The following DFFB variants were observed in gnomAD, a reference collection of about 807,000 sequenced individuals.
The protein encoded by DFFB is DNA fragmentation factor 40 kDa subunit.
DFFB carries 29 observed loss-of-function variants against 32.7 expected under a neutral mutation model. The ratio of observed to expected loss-of-function variants is 0.89; its 90% CI spans 0.66 to 1.21. DFFB has a LOEUF of 1.21. Among genes scored for constraint, DFFB ranks in the 50% most tolerant of loss-of-function variants. DFFB has a pLI of 0.00. For synonymous variants in DFFB, 170 were observed against 177.1 expected (o/e 0.96, Z 0.32); for missense variants, 398 against 440.6 (o/e 0.90, Z 0.87).
In DFFB at chr1:3,883,695, C is replaced by A; in HGVS notation, c.971C>A (p.Pro324His). ...TGTGACCCAAGCAGAATCTACAAACCCCAGACAAGGTTGAAGCGGAAGCAG... is the reference window on the plus strand; with the variant it reads ...TGTGACCCAAGCAGAATCTACAAACACCAGACAAGGTTGAAGCGGAAGCAG... The part of the protein sequence containing the change: ...LNCDPSRIYK[P>H]QTRLKRKQPV... The change falls in exon 7 of 7, where the codon CCC (proline) becomes CAC (histidine). Residue 324 changes from proline (P) to histidine (H), a missense_variant. Transcript: ENST00000378209. 6.2e-7 allele frequency: 1 copy of A among 1,614,122 alleles called. No homozygotes were observed. The highest frequency in any genetic ancestry group is 1.3e-5 in the African/African-American group (1 of 75,026).
intron 5 of DFFB, among the ~76,000 whole-genome samples, chr1:3,869,980 G>A (rs2124747555): frequency 6.6e-6 from 1 of 152,348 alleles, no homozygotes; most frequent in Non-Finnish European, 1.5e-5. Flanking sequence ...TCCCTGGGGA[G>A]CTTGCAGAGG....
chr1:3,883,512 A>G lies in DFFB; in HGVS notation c.788A>G (p.Glu263Gly). The G allele has an allele frequency of 6.2e-7, 1 of 1,613,962 alleles. No individual in the cohort carries two copies. The highest frequency in any genetic ancestry group is 8.5e-7 in the Non-Finnish European group (1 of 1,179,990). The change falls in exon 7 of 7, where the codon GAA becomes GGA. Residue 263 changes from glutamate to glycine, a missense_variant. By Grantham distance (98) the Glu-to-Gly change is moderately conservative. Transcript: ENST00000378209. ...FSTWNLDHIIEKKRTIIPTLV... is the reference protein window; with the variant it reads ...FSTWNLDHIIGKKRTIIPTLV... ...TCTCTAACCTTACTTTGCAGAATAG[A>G]AAAGAAACGCACCATCATTCCTACA...
Position 3,883,623 on chromosome 1 carries a change from A to G in DFFB, c.899A>G (p.Lys300Arg). Residue 300 changes from lysine (K) to arginine (R), a missense_variant, in exon 7 of 7, where the codon AAA becomes AGA. Transcript: ENST00000378209. ...YGLLFTSENLKLVHIVCHKKT... is the reference protein window; with the variant it reads ...YGLLFTSENLRLVHIVCHKKT... Reference sequence around the variant, plus strand: ...CTGCTTTTTACCTCAGAGAACCTAAAACTAGTGCACATTGTCTGCCATAAG... The same window carrying G: ...CTGCTTTTTACCTCAGAGAACCTAAGACTAGTGCACATTGTCTGCCATAAG... 6.2e-7 allele frequency: 1 copy of G among 1,614,058 alleles called. No homozygotes were observed. The highest frequency in any genetic ancestry group is 8.5e-7 in the Non-Finnish European group (1 of 1,180,006).
chr1:3,872,426 A>G (rs749201314), intron 5 of DFFB, 46 bp from the exon 6 acceptor site: 278 of 1,452,138 alleles, frequency 1.9e-4, no homozygotes, highest in Non-Finnish European at 2.6e-4. Context: ...AAAAAAAAAA[A>G]AGAGACTCAC....
chr1:3,857,591 G>A lies in DFFB; in HGVS notation c.-13G>A. The A allele has an allele frequency of 6.4e-7, 1 of 1,560,644 alleles. No homozygotes were observed. Among genetic ancestry groups the A allele is most frequent in the Non-Finnish European group, 8.7e-7 (1 of 1,153,450 alleles). On this transcript the variant is annotated 5_prime_UTR_variant, in exon 1 of 7. Coordinates refer to ENST00000378209, the MANE Select transcript of DFFB (RefSeq NM_004402.4). ...ACCGCCTGTGGGACCCAGAGGGCTT[G>A]AGGACATCTGCAATGCTCCAGAAGC...
intron 5 of DFFB, among the ~76,000 whole-genome samples, chr1:3,871,931 T>G (rs541525293): frequency 6.6e-6 from 1 of 152,100 alleles, no homozygotes; most frequent in Admixed American, 6.5e-5. Context: ...TTAAGCCAGA[T>G]CTCAGGAGGA....
rs1553169091 is a variant in DFFB at position 3,868,669 on chromosome 1, A to ACCAGG, written c.510+619_510+620insGGCCA. ...GCCACACCACACCAGGCCACACCAC[A>ACCAGG]CCACACCACGCCACACCACACCAGG... On this transcript the variant is annotated intron_variant, in intron 4 of 6. Coordinates refer to ENST00000378209, the MANE Select transcript of DFFB (RefSeq NM_004402.4). 1.5e-3 allele frequency among the ~76,000 whole-genome samples: 115 copies of ACCAGG among 76,560 alleles called. 12 individuals are homozygous for ACCAGG. Among genetic ancestry groups the ACCAGG allele is most frequent in the Non-Finnish European group, 2.5e-3 (79 of 31,254 alleles). The allele number at this position is 76,560 out of a possible 152,430, so 50.2% of individuals were successfully genotyped here. A position where few individuals can be genotyped will look rare whatever the true frequency, so the allele number is the denominator to read the frequency against.
chr1:3,859,473 G>A (rs912593464), intron 2 of DFFB, among the ~76,000 whole-genome samples: 6 of 152,214 alleles, frequency 3.9e-5, no homozygotes, highest in Admixed American at 1.3e-4. Flanking sequence ...ATGCCATCAT[G>A]TGCCTTTACC....
At chr1:3,868,815 T>C (rs1057242837) in intron 4 of DFFB, among the ~76,000 whole-genome samples, 2 of 152,108 alleles carry the variant, frequency 1.3e-5, no homozygotes, top group East Asian at 1.9e-4. Flanking sequence ...CCCTGCGTGG[T>C]CGGCCCCCAC....
chr1:3,866,019 T>C lies in DFFB; in HGVS notation c.430+19T>C, dbSNP rs764000947. On this transcript the variant is annotated intron_variant, in intron 3 of 6. Coordinates refer to ENST00000378209, the MANE Select transcript of DFFB (RefSeq NM_004402.4). ...TTTGAAGGTGCGTGGGGGCTGCAGCTGGCAGGGGAGAGGCTTCTTTGGAGC... is the reference window on the plus strand; with the variant it reads ...TTTGAAGGTGCGTGGGGGCTGCAGCCGGCAGGGGAGAGGCTTCTTTGGAGC... 3.3e-6 allele frequency: 5 copies of C among 1,526,120 alleles called. No homozygotes were observed. Among genetic ancestry groups the C allele is most frequent in the Non-Finnish European group, 3.5e-6 (4 of 1,137,228 alleles). 94.5% of individuals were successfully genotyped at this position (1,526,120 alleles called of 1,614,324 possible).
At chr1:3,875,904 G>A (rs928287811) in intron 6 of DFFB, among the ~76,000 whole-genome samples, 4 of 152,242 alleles carry the variant, frequency 2.6e-5, no homozygotes, top group Admixed American at 2.6e-4. Flanking sequence ...AGCTTCCCGA[G>A]TAGCTGGGAC....
intron 2 of DFFB, among the ~76,000 whole-genome samples, chr1:3,863,680 G>A (rs1025455149): frequency 1.5e-4 from 23 of 152,142 alleles, no homozygotes; most frequent in African/African-American, 5.6e-4. Flanking sequence ...TCACCATGAA[G>A]AGGAATGAAA....
In DFFB at chr1:3,872,920, C is replaced by A. The variant is rs1343384024; in HGVS notation, c.782+348C>A. On this transcript the variant is annotated intron_variant, in intron 6 of 6. Transcript: ENST00000378209. ...GCCCTTGGCTGTCAGAGGTTCTGAA[C>A]CTCTGTGAGTTTGAACCAGGGTGAG... 9.0e-6 allele frequency: 11 copies of A among 1,215,838 alleles called. No homozygotes were observed. In the East Asian group the frequency reaches 5.1e-4, roughly 56 times the overall value. The allele number at this position is 1,215,838 out of a possible 1,614,324, so 75.3% of individuals were successfully genotyped here.
chr1:3,857,530 G>A lies in DFFB; in HGVS notation c.-74G>A. ...CCAGGTGCAGACCCCTGCGGCCAGG[G>A]CGAGGACGGATCTGAGCAGCTGGGC... On this transcript the variant is annotated 5_prime_UTR_variant, in exon 1 of 7. Coordinates refer to ENST00000378209, the MANE Select transcript of DFFB (RefSeq NM_004402.4). The A allele has an allele frequency of 8.7e-7, 1 of 1,142,984 alleles. No individual in the cohort carries two copies. The highest frequency in any genetic ancestry group is 1.2e-6 in the Non-Finnish European group (1 of 832,220). The allele number at this position is 1,142,984 out of a possible 1,614,324, so 70.8% of individuals were successfully genotyped here. A position where few individuals can be genotyped will look rare whatever the true frequency, so the allele number is the denominator to read the frequency against.
In DFFB at chr1:3,858,710, C is replaced by T. The variant is rs1401411050; in HGVS notation, c.115-8C>T. ...TTCCTCCTCCTGTTGCTTCTCCCGT[C>T]CCTGCAGCTCCCTGAGCGCGGTTCC... On this transcript the variant is annotated splice_region_variant and splice_polypyrimidine_tract_variant and intron_variant, in intron 1 of 6. Transcript: ENST00000378209. The T allele has an allele frequency of 1.2e-6, 2 of 1,613,224 alleles. No homozygotes were observed. The highest frequency in any genetic ancestry group is 1.7e-6 in the Non-Finnish European group (2 of 1,179,620).
In DFFB at chr1:3,865,576, T is replaced by A. The variant is rs1644960821; in HGVS notation, c.242-236T>A. On this transcript the variant is annotated intron_variant, in intron 2 of 6. Transcript: ENST00000378209. This position sits in a 1 kb window ranked among gnomAD's most constrained non-coding sequence, Gnocchi z 4.7. The stretch of plus-strand genomic sequence containing the variant: ...GGCCGTCTCTTGGTGCGCTTTCATC[T>A]GTCCTCTAAAGCACACCCTGCCCCT... 3 of 642,826 alleles carry A rather than the reference T, an allele frequency of 4.7e-6. No individual in the cohort carries two copies. The Admixed American group carries it at 7.6e-5, about 16-fold the overall frequency. The allele number at this position is 642,826 out of a possible 1,614,324, so 39.8% of individuals were successfully genotyped here.
intron 6 of DFFB, among the ~76,000 whole-genome samples, chr1:3,874,827 G>T (rs1645192080): frequency 6.7e-6 from 1 of 150,220 alleles, no homozygotes; most frequent in African/African-American, 2.5e-5. Context: ...GCAGAGCCGT[G>T]TAGCTGCACC....
intron 6 of DFFB, among the ~76,000 whole-genome samples, chr1:3,876,204 A>C (rs1645218661): frequency 6.6e-6 from 1 of 152,222 alleles, no homozygotes; most frequent in Admixed American, 6.5e-5. Flanking sequence ...ACCCCTTGCC[A>C]CATGCAACAA....
In DFFB at chr1:3,869,619, C is replaced by T. The variant is rs149142635; in HGVS notation, c.525C>T (p.Pro175=). ...GGTTCCTCCAGGTGAGCTCCTACCC[C>T]TCCACGGTGGGTGCGGAGGCTCAGG... The part of the protein sequence containing the change: ...RSYLREVSSY[P]STVGAEAQEE... The change falls in exon 5 of 7, where the codon CCC becomes CCT. Residue 175 remains proline, a synonymous_variant. Coordinates refer to ENST00000378209, the MANE Select transcript of DFFB (RefSeq NM_004402.4). 6.9e-5 allele frequency: 112 copies of T among 1,612,020 alleles called. No homozygotes were observed. The highest frequency in any genetic ancestry group is 9.3e-5 in the Non-Finnish European group (110 of 1,179,300).
Sources: allele counts gnomAD v4.1 joint callset (sites outside exome capture counted in the v4.1 genomes callset), GRCh38; gene constraint gnomAD v4.1.1; non-coding constraint Gnocchi (gnomAD v3.1); transcripts MANE v1.5; gene names NCBI Gene and HGNC (gene_info 2026-07-23, HGNC 2026-07-21).